The following AGBL1 variants were observed in gnomAD, a reference collection of about 807,000 sequenced individuals.
AGBL1 encodes the protein AGBL carboxypeptidase 1.
In AGBL1, 130 loss-of-function variants were observed where a neutral mutation model predicts 118.9. That is an observed-to-expected ratio of 1.09 (90% CI 0.95 to 1.26). AGBL1 has a LOEUF of 1.26. Ranked by LOEUF, AGBL1 falls within the 50% of genes most tolerant of loss-of-function variation. AGBL1 has a pLI of 0.00. For missense variants in AGBL1, 1,584 were observed against 1,298.1 expected (o/e 1.22, Z -3.38); for synonymous variants, 555 against 478.9 (o/e 1.16, Z -2.08).
At chr15:86,700,692 A>G (rs1347086907) in intron 22 of AGBL1, among the ~76,000 whole-genome samples, 1 of 152,056 alleles carries the variant, frequency 6.6e-6, no homozygotes, top group African/African-American at 2.4e-5. Flanking sequence ...ACAGGCAAGG[A>G]TTTTTGCTGC....
intron 5 of AGBL1, among the ~76,000 whole-genome samples, chr15:86,173,985 A>G (rs1357133685): frequency 6.6e-6 from 1 of 152,036 alleles, no homozygotes; most frequent in Non-Finnish European, 1.5e-5. Context: ...GAAGGATGTC[A>G]TTGGTATTTT....
chr15:86,902,028 T>C (rs190033481), intron 22 of AGBL1, among the ~76,000 whole-genome samples: 2 of 152,310 alleles, frequency 1.3e-5, no homozygotes, highest in Admixed American at 6.5e-5. Flanking sequence ...TTTGGACATT[T>C]TGATGTTTCC....
chr15:86,714,215 C>T (rs530636890), intron 22 of AGBL1, among the ~76,000 whole-genome samples: 6 of 152,182 alleles, frequency 3.9e-5, no homozygotes, highest in South Asian at 2.1e-4. Flanking sequence ...ACCCATGTGC[C>T]GTTAAGTTGC....
chr15:86,298,409 C>G (rs1326375102), intron 17 of AGBL1, among the ~76,000 whole-genome samples: 3 of 143,396 alleles, frequency 2.1e-5, no homozygotes, highest in African/African-American at 8.1e-5. Flanking sequence ...TAAACACATG[C>G]CGTTGCTGTG....
intron 17 of AGBL1, among the ~76,000 whole-genome samples, chr15:86,358,861 ATTAAG>A (rs1296572064): frequency 6.6e-6 from 1 of 151,846 alleles, no homozygotes; most frequent in African/African-American, 2.4e-5. Context: ...CCATTTTTAA[ATTAAG>A]TTGTGTTTTA....
chr15:86,449,053 G>A (rs536354164), intron 18 of AGBL1, among the ~76,000 whole-genome samples: 47 of 152,220 alleles, frequency 3.1e-4, no homozygotes, highest in African/African-American at 1.1e-3. Context: ...TGGAAGAACA[G>A]ATACAAAGCC....
chr15:86,443,980 T>C (rs1049371040), intron 18 of AGBL1, among the ~76,000 whole-genome samples: 2 of 152,206 alleles, frequency 1.3e-5, no homozygotes, highest in African/African-American at 4.8e-5. Context: ...TGTAGTAGGA[T>C]TGCTGGATCA....
At chr15:86,140,419 C>T (rs541997331) in intron 1 of AGBL1, among the ~76,000 whole-genome samples, 12 of 152,066 alleles carry the variant, frequency 7.9e-5, no homozygotes, top group Admixed American at 7.8e-4. Flanking sequence ...TCATGGCCTC[C>T]TTGGAGTTCT....
At chr15:86,218,904 G>C (rs1317492216) in intron 5 of AGBL1, among the ~76,000 whole-genome samples, 1 of 152,210 alleles carries the variant, frequency 6.6e-6, no homozygotes, top group Non-Finnish European at 1.5e-5. Context: ...CTTGATTGCA[G>C]CCTTGTCAGA....
intron 1 of AGBL1, among the ~76,000 whole-genome samples, chr15:86,127,746 G>T (rs1200906417): frequency 1.3e-5 from 2 of 152,108 alleles, no homozygotes; most frequent in Non-Finnish European, 2.9e-5. Context: ...AAATGAGATG[G>T]GGTTGGAAAT....
At chr15:86,378,087 A>G (rs1029376354) in intron 17 of AGBL1, among the ~76,000 whole-genome samples, 1 of 152,202 alleles carries the variant, frequency 6.6e-6, no homozygotes, top group African/African-American at 2.4e-5. Flanking sequence ...CTTAGCATCT[A>G]AAACAGTCAT....
rs541211988 is a variant in AGBL1, at chr15:86,277,026, A to G, written c.2076-2613A>G. ...CTCCTGCTACAAGGTGGCTGCCAGG[A>G]GAGTCCAGTGGGGATGCCTGACATT... is the stretch of plus-strand genomic sequence containing the variant. On this transcript the variant is annotated intron_variant, in intron 15 of 22. Transcript: ENST00000614907. 1.2e-4 allele frequency among the ~76,000 whole-genome samples: 18 copies of G among 152,324 alleles called. 1 individual carries two copies. In the South Asian group the frequency reaches 3.1e-3, roughly 26 times the overall value.
intron 19 of AGBL1, among the ~76,000 whole-genome samples, chr15:86,544,561 G>A (rs1036942196): frequency 6.6e-6 from 1 of 152,162 alleles, no homozygotes. Flanking sequence ...CAAATGAGGG[G>A]CAAAGTCACA....
intron 17 of AGBL1, among the ~76,000 whole-genome samples, chr15:86,298,246 A>AATATATATATAT (rs59968237): frequency 0.015 from 1,013 of 69,478 alleles, 16 homozygotes; most frequent in African/African-American, 0.024. Flanking sequence ...GTCTGTGTAT[A>AATATATATATAT]ATATATATAT....
intron 17 of AGBL1, among the ~76,000 whole-genome samples, chr15:86,302,479 T>G (rs1272624621): frequency 6.6e-6 from 1 of 151,926 alleles, no homozygotes; most frequent in Non-Finnish European, 1.5e-5. Flanking sequence ...ATATGGTGCT[T>G]TGAAAATCTC....
chr15:86,632,252 C>T (rs1006023702), intron 21 of AGBL1, among the ~76,000 whole-genome samples: 7 of 142,588 alleles, frequency 4.9e-5, no homozygotes, highest in African/African-American at 1.3e-4. Context: ...AGGGTGGCAG[C>T]GCAAGACCCT....
In AGBL1 at chr15:86,397,521, A is replaced by C. The variant is rs773996403; in HGVS notation, c.2530A>C (p.Asn844His). Residue 844 changes from asparagine (N) to histidine (H), a missense_variant, in exon 18 of 23, where the codon AAC becomes CAC. By Grantham distance (68) the Asn-to-His change is moderately conservative. Coordinates refer to ENST00000614907, the MANE Select transcript of AGBL1 (RefSeq NM_001386094.1). ...NFIFKIIPML[N>H]PDGVINGNHR... is the part of the protein sequence containing the mutation. ...CATCTTCAAGATCATACCCATGCTC[A>C]ACCCAGATGGTGTCATCAACGGCAA... 3.1e-6 allele frequency: 5 copies of C among 1,611,538 alleles called. No individual in the cohort carries two copies. Among genetic ancestry groups the C allele is most frequent in the Non-Finnish European group, 4.2e-6 (5 of 1,178,904 alleles).
At chr15:86,336,687 G>A (rs1258194470) in intron 17 of AGBL1, among the ~76,000 whole-genome samples, 2 of 152,182 alleles carry the variant, frequency 1.3e-5, no homozygotes, top group Non-Finnish European at 2.9e-5. Flanking sequence ...GGAATAGCAA[G>A]CAAGACACTG....
intron 21 of AGBL1, among the ~76,000 whole-genome samples, chr15:86,663,157 C>G (rs943011899): frequency 3.9e-5 from 6 of 152,196 alleles, no homozygotes; most frequent in African/African-American, 1.4e-4. Flanking sequence ...CCCCTACCCA[C>G]TACTTCTCTA....
Sources: allele counts gnomAD v4.1 joint callset (sites outside exome capture counted in the v4.1 genomes callset), GRCh38; gene constraint gnomAD v4.1.1; transcripts MANE v1.5; gene names NCBI Gene and HGNC (gene_info 2026-07-23, HGNC 2026-07-21).